Variants in SNX30 observed in about 807,000 individuals in gnomAD.
SNX30 encodes sorting nexin-30.
SNX30 carries 24 observed loss-of-function variants against 46.4 expected under a neutral mutation model. The ratio of observed to expected loss-of-function variants is 0.52; its 90% CI spans 0.37 to 0.73. SNX30 has a LOEUF of 0.73. Ranked by LOEUF, SNX30 falls within the 30% of genes least tolerant of loss-of-function variation. The pLI, the probability that SNX30 is intolerant of heterozygous loss-of-function variation, is 0.00. For missense variants in SNX30, 533 were observed against 555.7 expected (o/e 0.96, Z 0.41); for synonymous variants, 189 against 211.5 (o/e 0.89, Z 0.92).
rs948284990 is a variant in SNX30 at position 112,838,619 on chromosome 9, A to G, written c.936A>G (p.Leu312=). The G allele has an allele frequency of 9.3e-6, 15 of 1,614,202 alleles. No individual in the cohort carries two copies. Among genetic ancestry groups the G allele is most frequent in the African/African-American group, 2.7e-5 (2 of 75,046 alleles). ...SACIGNCSTA[L]EELTDDMTED... ...GCATTGGGAACTGCTCTACAGCCTT[A>G]GAAGAGCTGACAGATGACATGACAG... Residue 312 remains leucine (L), a synonymous_variant, in exon 6 of 9, where the codon TTA becomes TTG. Coordinates refer to ENST00000374232, the MANE Select transcript of SNX30 (RefSeq NM_001012994.2).
chr9:112,879,709 C>A, downstream of SNX30: 1 of 1,548,802 alleles, frequency 6.5e-7, no homozygotes, highest in South Asian at 1.1e-5. Context: ...CTTCTTTTGT[C>A]TTCTGGGGGC....
intron 2 of SNX30, among the ~76,000 whole-genome samples, chr9:112,806,139 C>G (rs1242877096): frequency 1.3e-5 from 2 of 152,120 alleles, no homozygotes; most frequent in Non-Finnish European, 2.9e-5. Context: ...GCAGCCCTGT[C>G]CTCTACCCAT....
chr9:112,844,822 G>T (rs1041259624), intron 6 of SNX30, among the ~76,000 whole-genome samples: 16 of 152,134 alleles, frequency 1.1e-4, no homozygotes, highest in African/African-American at 3.1e-4. Context: ...ATTGTCAGGC[G>T]GTTTCTTCAG....
intron 1 of SNX30, among the ~76,000 whole-genome samples, chr9:112,785,509 G>C (rs1392923849): frequency 6.6e-6 from 1 of 151,834 alleles, no homozygotes; most frequent in East Asian, 1.9e-4. Flanking sequence ...TTAGCCTCCT[G>C]AGTAGCTGGG....
At chr9:112,842,247 G>A (rs1283025262) in intron 6 of SNX30, among the ~76,000 whole-genome samples, 1 of 152,220 alleles carries the variant, frequency 6.6e-6, no homozygotes, top group African/African-American at 2.4e-5. Flanking sequence ...CAGGCCTGTG[G>A]CCCGTTCTTC....
chr9:112,867,192 A>T (rs1375033285), intron 8 of SNX30, among the ~76,000 whole-genome samples: 2 of 89,206 alleles, frequency 2.2e-5, no homozygotes, highest in Non-Finnish European at 4.6e-5. Flanking sequence ...CCTCCTCACA[A>T]CTCCTGCCTC....
At chr9:112,777,040 A>G (rs981017485) in intron 1 of SNX30, among the ~76,000 whole-genome samples, 1 of 151,862 alleles carries the variant, frequency 6.6e-6, no homozygotes, top group African/African-American at 2.4e-5. Context: ...TCCAGACCCT[A>G]TATAGCAAAT....
rs371997861 is a variant in SNX30 at position 112,751,224 on chromosome 9, G to T, written c.156+67G>T. On this transcript the variant is annotated intron_variant, in intron 1 of 8. Transcript: ENST00000374232. ...CCCCGTGGGGGGGATGATGGATCCGGAGCCTTCGTGGGCCTGGGGCCGCGC... is the reference window on the plus strand; with the variant it reads ...CCCCGTGGGGGGGATGATGGATCCGTAGCCTTCGTGGGCCTGGGGCCGCGC... The T allele has an allele frequency of 8.3e-6, 11 of 1,323,878 alleles. No homozygotes were observed. In the African/African-American group the frequency reaches 1.5e-4, roughly 18 times the overall value. The allele number at this position is 1,323,878 out of a possible 1,614,324, so 82.0% of individuals were successfully genotyped here.
intron 3 of SNX30, among the ~76,000 whole-genome samples, chr9:112,829,766 G>T (rs968629313): frequency 6.6e-5 from 10 of 151,268 alleles, no homozygotes; most frequent in African/African-American, 1.7e-4. Flanking sequence ...GTTTTTTTTT[G>T]TTTGTTTTGT....
rs190800970 is a variant in SNX30, at chr9:112,777,550, C to T, written c.156+26393C>T. On this transcript the variant is annotated intron_variant, in intron 1 of 8. Transcript: ENST00000374232. ...CAAGCAGTCATCCCACCTCAGTTTC[C>T]AGAGTAGCTGGGACTACAGGTGCAT... 4.9e-3 allele frequency among the ~76,000 whole-genome samples: 744 copies of T among 150,974 alleles called. 3 individuals are homozygous for T. The highest frequency in any genetic ancestry group is 0.027 in the Middle Eastern group (8 of 292).
At chr9:112,824,334 A>AT (rs5900019) in intron 3 of SNX30, among the ~76,000 whole-genome samples, 486 of 152,024 alleles carry the variant, frequency 3.2e-3, no homozygotes, top group Non-Finnish European at 4.7e-3. Context: ...TGCAAATAGG[A>AT]TTTTTTTGCA....
At position 112,806,252 on chromosome 9, in the gene SNX30, G is replaced by A. The variant is rs181326510; in HGVS notation, c.348+1285G>A. On this transcript the variant is annotated intron_variant, in intron 2 of 8. Coordinates refer to ENST00000374232, the MANE Select transcript of SNX30 (RefSeq NM_001012994.2). ...GGGACAGGATTGCCACCCCACCCCC[G>A]ACCAGTTGAAAGCCACATATTTAGA... 9.9e-5 allele frequency among the ~76,000 whole-genome samples: 15 copies of A among 152,116 alleles called. No homozygotes were observed. In the East Asian group the frequency reaches 2.9e-3, roughly 29 times the overall value.
At chr9:112,880,726 G>C (rs1178895216) in intron 5 of SNX30, among the ~76,000 whole-genome samples, 2 of 152,308 alleles carry the variant, frequency 1.3e-5, no homozygotes, top group East Asian at 1.9e-4. Context: ...TGGTGGTCCT[G>C]TAACAAAGGG....
chr9:112,885,034 C>G (rs971192658), downstream of SNX30: 3 of 152,134 alleles, frequency 2.0e-5, no homozygotes, highest in African/African-American at 7.2e-5. Flanking sequence ...TCCTTAGGGT[C>G]GGACAGTTCG....
At chr9:112,808,509 A>G (rs1293414297) in intron 2 of SNX30, among the ~76,000 whole-genome samples, 2 of 152,230 alleles carry the variant, frequency 1.3e-5, no homozygotes, top group African/African-American at 4.8e-5. Flanking sequence ...ACAAGAAAGT[A>G]ACATCATAAC....
intron 7 of SNX30, among the ~76,000 whole-genome samples, chr9:112,861,583 G>A (rs1841233268): frequency 6.6e-6 from 1 of 152,170 alleles, no homozygotes; most frequent in African/African-American, 2.4e-5. Context: ...CTCCAAGAGT[G>A]GGCATGAGTT....
intron 1 of SNX30, among the ~76,000 whole-genome samples, chr9:112,786,826 C>T (rs1044725699): frequency 5.9e-5 from 9 of 152,106 alleles, no homozygotes; most frequent in African/African-American, 1.9e-4. Context: ...TTAAAATTTT[C>T]TTTACCTCTC....
At chr9:112,756,111 T>C (rs1424611933) in intron 1 of SNX30, among the ~76,000 whole-genome samples, 1 of 152,180 alleles carries the variant, frequency 6.6e-6, no homozygotes, top group Non-Finnish European at 1.5e-5. Flanking sequence ...TAATAAAATG[T>C]TCCTACCCCC....
intron 3 of SNX30, among the ~76,000 whole-genome samples, chr9:112,818,802 TCA>T (rs1840445538): frequency 2.0e-5 from 3 of 152,212 alleles, no homozygotes. Flanking sequence ...GGCAGTTTTC[TCA>T]GTTTTCAGGG....
Sources: gnomAD v4.1 joint callset for allele counts (sites outside exome capture counted in the v4.1 genomes callset) on GRCh38, gnomAD v4.1.1 for gene constraint, MANE v1.5 for transcripts, NCBI Gene and HGNC (gene_info 2026-07-23, HGNC 2026-07-21) for gene names.